The following SLIT3 variants were observed in gnomAD, a reference collection of about 807,000 sequenced individuals.
SLIT3 encodes the protein slit guidance ligand 3.
A neutral mutation model predicts 184.0 loss-of-function variants in SLIT3; 68 were observed. The observed-to-expected ratio is 0.37, with a 90% confidence interval of 0.30 to 0.45. The LOEUF is 0.45. Among genes scored for constraint, SLIT3 ranks in the 20% least tolerant of loss-of-function variants. SLIT3 has a pLI of 1.00. For missense variants in SLIT3, 1,707 were observed against 2,026.0 expected (o/e 0.84, Z 3.02); for synonymous variants, 831 against 828.6 (o/e 1.00, Z -0.05).
At chr5:169,005,148 G>C (rs1048442558) in intron 4 of SLIT3, among the ~76,000 whole-genome samples, 14 of 152,158 alleles carry the variant, frequency 9.2e-5, no homozygotes, top group African/African-American at 3.4e-4. Flanking sequence ...ACATAATGCT[G>C]TTACAAAATA....
In SLIT3 at chr5:169,056,874, C is replaced by G. The variant is rs546623122; in HGVS notation, c.413+136605G>C. 7.2e-4 allele frequency among the ~76,000 whole-genome samples: 110 copies of G among 152,338 alleles called. 1 individual carries two copies. Among genetic ancestry groups the G allele is most frequent in the South Asian group, 2.9e-3 (14 of 4,826 alleles). ...TACTCTTACAGAGTCCAAACGCTCACATGTTCTTCTTGACTATGCCCCCCA... is the reference window on the plus strand; with the variant it reads ...TACTCTTACAGAGTCCAAACGCTCAGATGTTCTTCTTGACTATGCCCCCCA... On this transcript the variant is annotated intron_variant, in intron 4 of 35. Coordinates refer to ENST00000519560, the MANE Select transcript of SLIT3 (RefSeq NM_003062.4).
rs1041913084 is a variant in SLIT3, at chr5:169,052,445, C to T, written c.413+141034G>A. Among the ~76,000 whole-genome samples the T allele has an allele frequency of 7.9e-4, 121 of 152,250 alleles. 1 individual carries two copies. Among genetic ancestry groups the T allele is most frequent in the African/African-American group, 2.6e-3 (108 of 41,548 alleles). On this transcript the variant is annotated intron_variant, in intron 4 of 35. Coordinates refer to ENST00000519560, the MANE Select transcript of SLIT3 (RefSeq NM_003062.4). ...GAGTCAGGGAGGGCTCTTCTTTCTACATAATTTACTTCCCCAGGGCCAATT... is the reference window on the plus strand; with the variant it reads ...GAGTCAGGGAGGGCTCTTCTTTCTATATAATTTACTTCCCCAGGGCCAATT...
At chr5:169,031,778 TTGAC>T (rs1757034172) in intron 4 of SLIT3, among the ~76,000 whole-genome samples, 1 of 152,182 alleles carries the variant, frequency 6.6e-6, no homozygotes, top group Non-Finnish European at 1.5e-5. Context: ...TCATGATTGA[TTGAC>T]TATCATGATG....
intron 5 of SLIT3, among the ~76,000 whole-genome samples, chr5:168,880,230 C>T (rs535752239): frequency 1.8e-4 from 28 of 152,314 alleles, no homozygotes; most frequent in African/African-American, 6.0e-4. Flanking sequence ...CTCCTGTCCC[C>T]GGTTCCCCTT....
intron 20 of SLIT3, among the ~76,000 whole-genome samples, chr5:168,733,518 G>T (rs1763346415): frequency 6.6e-6 from 1 of 152,154 alleles, no homozygotes; most frequent in Non-Finnish European, 1.5e-5. Flanking sequence ...ATTCACGATA[G>T]CAAAGATACG....
intron 3 of SLIT3, among the ~76,000 whole-genome samples, chr5:169,207,854 T>C (rs1764125932): frequency 6.6e-6 from 1 of 152,184 alleles, no homozygotes; most frequent in Non-Finnish European, 1.5e-5. Flanking sequence ...TCTTCCACAA[T>C]GTGAGCACAT....
chr5:169,104,804 C>G (rs1180298127), intron 4 of SLIT3, among the ~76,000 whole-genome samples: 1 of 152,206 alleles, frequency 6.6e-6, no homozygotes, highest in Non-Finnish European at 1.5e-5. Context: ...CAAAAGAAAA[C>G]TCTCAGGGGG....
At chr5:169,095,226 C>T (rs1759733609) in intron 4 of SLIT3, among the ~76,000 whole-genome samples, 1 of 152,186 alleles carries the variant, frequency 6.6e-6, no homozygotes, top group African/African-American at 2.4e-5. Flanking sequence ...TACTGATCAT[C>T]CCGGGAAGCA....
chr5:169,011,778 T>C (rs1756164756), intron 4 of SLIT3, among the ~76,000 whole-genome samples: 1 of 152,228 alleles, frequency 6.6e-6, no homozygotes, highest in Non-Finnish European at 1.5e-5. Flanking sequence ...GCAGCTGTTT[T>C]TGCTATTACA....
chr5:168,730,522 G>T (rs1318490736), intron 20 of SLIT3, among the ~76,000 whole-genome samples: 1 of 151,950 alleles, frequency 6.6e-6, no homozygotes, highest in Non-Finnish European at 1.5e-5. Context: ...ATTATATCAA[G>T]TATTTTCTCA....
intron 16 of SLIT3, among the ~76,000 whole-genome samples, chr5:168,755,389 A>ATTTCTTTCTTTCTTTTC (rs1754860430): frequency 1.5e-5 from 2 of 133,774 alleles, no homozygotes; most frequent in African/African-American, 2.6e-5. Context: ...CAGTGCCGCC[A>ATTTCTTTCTTTCTTTTC]TTTCTTTCTT....
chr5:168,977,358 T>A (rs1318623826), intron 4 of SLIT3, among the ~76,000 whole-genome samples: 2 of 152,198 alleles, frequency 1.3e-5, no homozygotes, highest in African/African-American at 4.8e-5. Flanking sequence ...TTGTGGATGT[T>A]TGGCAGAAAT....
chr5:168,828,497 T>TA (rs979775530), intron 6 of SLIT3, among the ~76,000 whole-genome samples: 2 of 150,948 alleles, frequency 1.3e-5, no homozygotes, highest in African/African-American at 4.9e-5. Flanking sequence ...ATAAATACAT[T>TA]AAAAAAATAA....
At chr5:168,738,937 C>CAAAA (rs34133933) in intron 20 of SLIT3, among the ~76,000 whole-genome samples, 13,863 of 84,042 alleles carry the variant, frequency 0.16, 1,347 homozygotes, top group Non-Finnish European at 0.19. Flanking sequence ...GACTCCATCT[C>CAAAA]AAAAAAAAAA....
At chr5:169,198,427 G>A (rs574747582) in intron 3 of SLIT3, among the ~76,000 whole-genome samples, 1 of 152,322 alleles carries the variant, frequency 6.6e-6, no homozygotes, top group South Asian at 2.1e-4. Flanking sequence ...TGGAGGGCCA[G>A]GAGACAGGAG....
chr5:168,871,311 A>G (rs1484627201), intron 5 of SLIT3, among the ~76,000 whole-genome samples: 1 of 152,148 alleles, frequency 6.6e-6, no homozygotes, highest in African/African-American at 2.4e-5. Context: ...CCTTTTTGCT[A>G]TGTGGAGTAC....
chr5:169,162,887 C>T (rs1004837980), intron 4 of SLIT3, among the ~76,000 whole-genome samples: 2 of 152,118 alleles, frequency 1.3e-5, no homozygotes, highest in Non-Finnish European at 2.9e-5. Flanking sequence ...ACTGCCAAAT[C>T]ATAATAGGAA....
chr5:169,217,782 A>G (rs1764489870), intron 3 of SLIT3, among the ~76,000 whole-genome samples: 1 of 152,206 alleles, frequency 6.6e-6, no homozygotes. Context: ...TATACCCACA[A>G]TTCCGAGAGG....
At chr5:169,025,277 T>C (rs1756772835) in intron 4 of SLIT3, among the ~76,000 whole-genome samples, 1 of 152,164 alleles carries the variant, frequency 6.6e-6, no homozygotes, top group Non-Finnish European at 1.5e-5. Flanking sequence ...CAGAAATGGC[T>C]CCAGCCCCAT....
Sources: gnomAD v4.1 joint callset for allele counts (sites outside exome capture counted in the v4.1 genomes callset) on GRCh38, gnomAD v4.1.1 for gene constraint, MANE v1.5 for transcripts, NCBI Gene and HGNC (gene_info 2026-07-23, HGNC 2026-07-21) for gene names.